KHDRBS2: variants seen among roughly 807,000 people sequenced by gnomAD.
The protein encoded by KHDRBS2 is KH domain-containing, RNA-binding, signal transduction-associated protein 2.
In KHDRBS2, 26 loss-of-function variants were observed where a neutral mutation model predicts 44.3. That is an observed-to-expected ratio of 0.59 (90% CI 0.43 to 0.81). The LOEUF (loss-of-function observed/expected upper bound fraction) is 0.81, where lower values mean the gene tolerates loss of function less well. Among genes scored for constraint, KHDRBS2 ranks in the 40% least tolerant of loss-of-function variants. KHDRBS2 has a pLI of 0.00. For missense variants in KHDRBS2, 476 were observed against 433.1 expected, an observed-to-expected ratio of 1.10 and a Z score of -0.88; for synonymous variants, 194 against 151.1, an observed-to-expected ratio of 1.28 and a Z score of -2.08.
chr6:62,108,841 CA>C (rs1804242238), intron 2 of KHDRBS2, among the ~76,000 whole-genome samples: 1 of 152,016 alleles, frequency 6.6e-6, no homozygotes, highest in African/African-American at 2.4e-5. Flanking sequence ...CAAACTATCG[CA>C]AGGACAAAAA....
the KHDRBS2 span, among the ~76,000 whole-genome samples, chr6:61,653,651 AT>A: frequency 6.6e-6 from 1 of 151,634 alleles, no homozygotes; most frequent in African/African-American, 2.4e-5. Flanking sequence ...TAAATATACC[AT>A]TTCATAAAAC....
chr6:61,826,958 C>T (rs572255818), intron 6 of KHDRBS2, among the ~76,000 whole-genome samples: 6 of 152,134 alleles, frequency 3.9e-5, no homozygotes, highest in South Asian at 4.1e-4. Flanking sequence ...CTCAATTATT[C>T]GATATCTATC....
chr6:61,560,024 G>T, the KHDRBS2 span, among the ~76,000 whole-genome samples: 2 of 151,954 alleles, frequency 1.3e-5, no homozygotes, highest in Non-Finnish European at 2.9e-5. Flanking sequence ...CTCAGCTTTT[G>T]CTTGGGCAAA....
chr6:61,957,867 G>A (rs1245412294), intron 4 of KHDRBS2, among the ~76,000 whole-genome samples: 1 of 152,046 alleles, frequency 6.6e-6, no homozygotes. Flanking sequence ...TTACTGCTCA[G>A]GGAGCATCAT....
intron 2 of KHDRBS2, among the ~76,000 whole-genome samples, chr6:62,061,605 C>A (rs1246373657): frequency 6.6e-6 from 1 of 150,612 alleles, no homozygotes; most frequent in African/African-American, 2.4e-5. Context: ...CTGCCCTTAA[C>A]ATTTTTTCCT....
chr6:62,039,842 T>A (rs988332204), intron 3 of KHDRBS2, among the ~76,000 whole-genome samples: 3 of 152,096 alleles, frequency 2.0e-5, no homozygotes, highest in Admixed American at 6.6e-5. Flanking sequence ...CCATCTAGCA[T>A]CCCTAGTAAA....
chr6:62,145,490 T>C (rs1813724420), intron 2 of KHDRBS2, among the ~76,000 whole-genome samples: 1 of 151,866 alleles, frequency 6.6e-6, no homozygotes. Context: ...TTTTTCTAGG[T>C]ACAGTGTTTT....
intron 2 of KHDRBS2, among the ~76,000 whole-genome samples, chr6:62,121,750 A>G (rs1562912241): frequency 6.6e-6 from 1 of 152,158 alleles, no homozygotes; most frequent in East Asian, 1.9e-4. Flanking sequence ...CATTGATTAC[A>G]CTATGCTGAT....
chr6:62,112,224 G>GAGCTACTAA (rs1180556207), intron 2 of KHDRBS2, among the ~76,000 whole-genome samples: 2 of 152,052 alleles, frequency 1.3e-5, no homozygotes, highest in African/African-American at 4.8e-5. Context: ...AACTAAGCCA[G>GAGCTACTAA]AGCTACTAAA....
chr6:62,064,574 C>T (rs990051885), intron 2 of KHDRBS2, among the ~76,000 whole-genome samples: 1 of 147,424 alleles, frequency 6.8e-6, no homozygotes, highest in African/African-American at 2.5e-5. Flanking sequence ...AACTGGCTAG[C>T]CATATGTAGA....
chr6:62,118,686 A>C (rs538521144), intron 2 of KHDRBS2, among the ~76,000 whole-genome samples: 49 of 152,296 alleles, frequency 3.2e-4, no homozygotes, highest in Admixed American at 7.8e-4. Context: ...CTAGGATACA[A>C]GCAGGCAGAA....
chr6:61,650,360 G>T, the KHDRBS2 span, among the ~76,000 whole-genome samples: 1 of 151,294 alleles, frequency 6.6e-6, no homozygotes. Flanking sequence ...CTTCATGCAA[G>T]CAGATTCTTT....
chr6:61,571,265 T>C, the KHDRBS2 span, among the ~76,000 whole-genome samples: 1 of 152,156 alleles, frequency 6.6e-6, no homozygotes, highest in East Asian at 1.9e-4. Context: ...CATGCAGAAG[T>C]AGCTATTCTT....
intron 6 of KHDRBS2, among the ~76,000 whole-genome samples, chr6:61,824,118 A>G (rs1478667778): frequency 6.6e-6 from 1 of 152,162 alleles, no homozygotes; most frequent in Non-Finnish European, 1.5e-5. Context: ...TTTACAATAA[A>G]CAAAGCTCTG....
At chr6:61,807,127 C>T (rs1354636413) in intron 6 of KHDRBS2, among the ~76,000 whole-genome samples, 1 of 152,008 alleles carries the variant, frequency 6.6e-6, no homozygotes, top group Non-Finnish European at 1.5e-5. Context: ...CAGTGAGATA[C>T]CATCTCACCT....
In KHDRBS2 at chr6:62,212,886, G is replaced by C. The variant is rs1392702413; in HGVS notation, c.92-35574C>G. 2.0e-5 allele frequency among the ~76,000 whole-genome samples: 3 copies of C among 151,496 alleles called. No individual in the cohort carries two copies. In the East Asian group the frequency reaches 5.9e-4, roughly 30 times the overall value. ...GCAAACTAATACAGGAAGACTGGAT[G>C]GGGGAGAGAGGGAAGGGGGTGCATA... On this transcript the variant is annotated intron_variant, in intron 1 of 8. Coordinates refer to ENST00000281156, the MANE Select transcript of KHDRBS2 (RefSeq NM_152688.4).
intron 1 of KHDRBS2, among the ~76,000 whole-genome samples, chr6:62,203,355 G>A (rs115179734): frequency 7.3e-4 from 111 of 152,134 alleles, no homozygotes; most frequent in African/African-American, 2.5e-3. Flanking sequence ...AGCTAATGAT[G>A]GTTTGGACTA....
chr6:61,653,587 T>G, the KHDRBS2 span, among the ~76,000 whole-genome samples: 1 of 149,490 alleles, frequency 6.7e-6, no homozygotes, highest in African/African-American at 2.5e-5. Context: ...TTTATGGAAC[T>G]TCAAGTCTAA....
At chr6:61,648,312 T>A in the KHDRBS2 span, among the ~76,000 whole-genome samples, 1 of 152,188 alleles carries the variant, frequency 6.6e-6, no homozygotes, top group Non-Finnish European at 1.5e-5. Flanking sequence ...AATATCCTAA[T>A]GTCTTTGTTT....
Sources: allele counts gnomAD v4.1 joint callset (sites outside exome capture counted in the v4.1 genomes callset), GRCh38; gene constraint gnomAD v4.1.1; transcripts MANE v1.5; gene names NCBI Gene and HGNC (gene_info 2026-07-23, HGNC 2026-07-21).